The following SLX4IP variants were observed in gnomAD, a reference collection of about 807,000 sequenced individuals.
The protein encoded by SLX4IP is protein SLX4IP.
SLX4IP carries 34 observed loss-of-function variants against 32.9 expected under a neutral mutation model. The ratio of observed to expected loss-of-function variants is 1.03; its 90% CI spans 0.79 to 1.38. SLX4IP has a LOEUF of 1.38. Among genes scored for constraint, SLX4IP ranks in the 40% most tolerant of loss-of-function variants. The pLI is 0.00. For missense variants in SLX4IP, 444 were observed against 479.0 expected, an observed-to-expected ratio of 0.93 and a Z score of 0.68; for synonymous variants, 172 against 171.7, an observed-to-expected ratio of 1.00 and a Z score of -0.01.
rs745754065 is a variant in SLX4IP, at chr20:10,601,735, CTG to C, written c.325_326del (p.Val109IlefsTer3). ...GTTTTTCTTCATTTTATACAGAACT[CTG>C]TGTATTCCCTGACAGATTTGTGGTT... ...CIRSTQNAEL[C>X]VFPDRFVVCV... On this transcript the variant is annotated frameshift_variant, in exon 6 of 8. Transcript: ENST00000334534. LOFTEE classifies it high-confidence loss of function. The C allele has an allele frequency of 6.8e-6, 11 of 1,613,582 alleles. No homozygotes were observed. The African/African-American group carries it at 1.2e-4, about 18-fold the overall frequency.
intron 2 of SLX4IP, among the ~76,000 whole-genome samples, chr20:10,540,104 C>CTTCCT (rs1436089547): frequency 4.8e-4 from 48 of 100,530 alleles, no homozygotes; most frequent in African/African-American, 2.0e-3. Context: ...CCTTTCCTTC[C>CTTCCT]TTCCTTCCTT....
At chr20:10,505,778 A>G (rs1454220480) in intron 2 of SLX4IP, among the ~76,000 whole-genome samples, 1 of 152,134 alleles carries the variant, frequency 6.6e-6, no homozygotes, top group Admixed American at 6.5e-5. Flanking sequence ...TTATATACGT[A>G]TAAATATAAC....
At chr20:10,538,936 T>C (rs1305603589) in intron 2 of SLX4IP, among the ~76,000 whole-genome samples, 1 of 152,224 alleles carries the variant, frequency 6.6e-6, no homozygotes, top group African/African-American at 2.4e-5. Flanking sequence ...ATTTAAGGAA[T>C]TAAGGGTGGG....
intron 2 of SLX4IP, among the ~76,000 whole-genome samples, chr20:10,486,367 C>T (rs1437106658): frequency 2.0e-5 from 3 of 151,868 alleles, no homozygotes; most frequent in Non-Finnish European, 4.4e-5. Context: ...ACTATTAGAA[C>T]GGTAGTGATG....
intron 2 of SLX4IP, among the ~76,000 whole-genome samples, chr20:10,481,784 A>G (rs1301633539): frequency 2.0e-5 from 3 of 152,180 alleles, no homozygotes; most frequent in East Asian, 1.9e-4. Context: ...GGTCTCTCAC[A>G]AGCCTTCAAC....
chr20:10,495,531 T>G (rs911440337), intron 2 of SLX4IP, among the ~76,000 whole-genome samples: 1 of 151,428 alleles, frequency 6.6e-6, no homozygotes, highest in African/African-American at 2.4e-5. Flanking sequence ...CACTATTTAT[T>G]AATGTTTTTG....
At chr20:10,454,013 T>C (rs1242268166) in intron 1 of SLX4IP, among the ~76,000 whole-genome samples, 1 of 152,210 alleles carries the variant, frequency 6.6e-6, no homozygotes, top group Non-Finnish European at 1.5e-5. Context: ...TTGCTGTCAT[T>C]TTTTGCTTTA....
At chr20:10,547,520 C>T (rs1371096423) in intron 2 of SLX4IP, among the ~76,000 whole-genome samples, 1 of 152,220 alleles carries the variant, frequency 6.6e-6, no homozygotes, top group Non-Finnish European at 1.5e-5. Context: ...CATCCATTTG[C>T]AACCAAGGAA....
chr20:10,537,865 TGTC>T (rs1390601722), intron 2 of SLX4IP, among the ~76,000 whole-genome samples: 1 of 152,204 alleles, frequency 6.6e-6, no homozygotes, highest in African/African-American at 2.4e-5. Context: ...TTTTAGATGT[TGTC>T]TGTTCACAAT....
intron 1 of SLX4IP, among the ~76,000 whole-genome samples, chr20:10,440,237 T>C (rs1382890713): frequency 6.6e-6 from 1 of 151,972 alleles, no homozygotes; most frequent in Non-Finnish European, 1.5e-5. Context: ...GGCGGATCAC[T>C]TGAGATCAGG....
chr20:10,556,123 T>C, intron 2 of SLX4IP, 108 bp from the exon 3 acceptor site: 1 of 910,284 alleles, frequency 1.1e-6, no homozygotes, highest in South Asian at 1.7e-5. Flanking sequence ...TAGTGAACTT[T>C]GTTGCCATTT....
intron 6 of SLX4IP, among the ~76,000 whole-genome samples, chr20:10,618,940 T>TGGGGGGTGGGGGGGGGGGGGGGGG (rs2067071989): frequency 2.4e-5 from 1 of 41,768 alleles, no homozygotes; most frequent in Non-Finnish European, 4.9e-5. Context: ...GCTTGGGGGT[T>TGGGGGGTGGGGGGGGGGGGGGGGG]GGGGGGGCGG....
intron 1 of SLX4IP, among the ~76,000 whole-genome samples, chr20:10,446,576 T>C (rs1246588793): frequency 7.2e-5 from 11 of 152,142 alleles, no homozygotes; most frequent in Admixed American, 6.5e-4. Flanking sequence ...GTACCACTTT[T>C]ACAGTCCCAC....
chr20:10,620,769 A>G (rs1038216760), intron 6 of SLX4IP, among the ~76,000 whole-genome samples: 4 of 152,094 alleles, frequency 2.6e-5, no homozygotes, highest in African/African-American at 9.7e-5. Context: ...GTTAGCCAGG[A>G]TGGTCTCGAT....
intron 1 of SLX4IP, among the ~76,000 whole-genome samples, chr20:10,448,930 A>T (rs2065221728): frequency 1.3e-5 from 2 of 152,150 alleles, no homozygotes; most frequent in African/African-American, 4.8e-5. Context: ...TATCTGGAAC[A>T]TTTTTTTCAC....
chr20:10,461,875 TTAAGC>T (rs2065340947), intron 2 of SLX4IP, among the ~76,000 whole-genome samples: 1 of 152,204 alleles, frequency 6.6e-6, no homozygotes, highest in South Asian at 2.1e-4. Context: ...CCTCCTGGGC[TTAAGC>T]AGTCCTCCTG....
chr20:10,591,839 C>G (rs2066713024), intron 4 of SLX4IP, among the ~76,000 whole-genome samples: 2 of 152,132 alleles, frequency 1.3e-5, no homozygotes, highest in Admixed American at 1.3e-4. Context: ...GTGATCATTT[C>G]TCAATTTGTT....
chr20:10,607,093 T>C (rs1016599232), intron 6 of SLX4IP, among the ~76,000 whole-genome samples: 2 of 152,236 alleles, frequency 1.3e-5, no homozygotes, highest in Admixed American at 1.3e-4. Context: ...TATTTTAGTT[T>C]ATGATATGAG....
At chr20:10,444,670 C>G (rs1380637421) in intron 1 of SLX4IP, among the ~76,000 whole-genome samples, 1 of 152,184 alleles carries the variant, frequency 6.6e-6, no homozygotes, top group East Asian at 1.9e-4. Flanking sequence ...GCCACCGCGC[C>G]TGGCCTGGAC....
Sources: gnomAD v4.1 joint callset for allele counts (sites outside exome capture counted in the v4.1 genomes callset) on GRCh38, gnomAD v4.1.1 for gene constraint, MANE v1.5 for transcripts, NCBI Gene and HGNC (gene_info 2026-07-23, HGNC 2026-07-21) for gene names.